SLC25A26: variants seen among roughly 807,000 people sequenced by gnomAD.
SLC25A26 encodes solute carrier family 25 member 26.
In SLC25A26, 36 loss-of-function variants were observed where a neutral mutation model predicts 37.8. The observed-to-expected ratio is 0.95, with a 90% CI of 0.73 to 1.26. The LOEUF is 1.26. Ranked by LOEUF, SLC25A26 falls within the 50% of genes most tolerant of loss-of-function variation. The pLI, the probability that SLC25A26 is intolerant of heterozygous loss-of-function variation, is 0.00. For synonymous variants in SLC25A26, 129 were observed against 122.5 expected, an observed-to-expected ratio of 1.05 and a Z score of -0.35; for missense variants, 390 against 331.1, an observed-to-expected ratio of 1.18 and a Z score of -1.38.
chr3:66,215,206 T>G (rs2071342765), intron 1 of SLC25A26, among the ~76,000 whole-genome samples: 1 of 152,168 alleles, frequency 6.6e-6, no homozygotes, highest in Non-Finnish European at 1.5e-5. Context: ...TTTTAAAATT[T>G]ATTTTTATTT....
At chr3:66,253,577 A>G (rs528767679) in intron 3 of SLC25A26, among the ~76,000 whole-genome samples, 2 of 152,250 alleles carry the variant, frequency 1.3e-5, no homozygotes, top group Admixed American at 1.3e-4. Flanking sequence ...GGGGAGCCCT[A>G]GAAAGCAGGA....
chr3:66,168,160 AAT>A (rs1210912292), intron 1 of SLC25A26, among the ~76,000 whole-genome samples: 21 of 97,390 alleles, frequency 2.2e-4, no homozygotes, highest in East Asian at 1.5e-3. Flanking sequence ...TCTCAAAAAA[AAT>A]ATATATATAT....
intron 1 of SLC25A26, among the ~76,000 whole-genome samples, chr3:66,173,967 C>G (rs921293445): frequency 2.6e-5 from 4 of 151,816 alleles, no homozygotes; most frequent in African/African-American, 9.7e-5. Flanking sequence ...GCAGGAGAAT[C>G]ATTTGAACCC....
intron 1 of SLC25A26, among the ~76,000 whole-genome samples, chr3:66,224,566 T>G (rs947739145): frequency 2.0e-5 from 3 of 152,124 alleles, no homozygotes; most frequent in Admixed American, 6.5e-5. Context: ...AAGATGAGAT[T>G]TGGGTGGGGA....
At chr3:66,250,747 C>A (rs1424651331) in intron 3 of SLC25A26, among the ~76,000 whole-genome samples, 1 of 152,014 alleles carries the variant, frequency 6.6e-6, no homozygotes, top group Non-Finnish European at 1.5e-5. Context: ...TTGGTTTTCT[C>A]CGGACTGGGG....
intron 1 of SLC25A26, among the ~76,000 whole-genome samples, chr3:66,208,289 C>G (rs959377519): frequency 1.7e-4 from 26 of 152,074 alleles, no homozygotes; most frequent in Non-Finnish European, 3.4e-4. Context: ...CAATTTATTG[C>G]CAACTGGATC....
chr3:66,319,481 G>C (rs1162931382), intron 5 of SLC25A26, among the ~76,000 whole-genome samples: 1 of 152,110 alleles, frequency 6.6e-6, no homozygotes, highest in African/African-American at 2.4e-5. Context: ...AACAAAATTA[G>C]ATAATTTACC....
chr3:66,362,772 A>T, intron 6 of SLC25A26, 88 bp from the exon 7 acceptor site: 1 of 785,320 alleles, frequency 1.3e-6, no homozygotes, highest in African/African-American at 1.8e-5. Flanking sequence ...CTTCTCACTT[A>T]AGTTCCCATC....
At chr3:66,231,248 G>A (rs939521605) in intron 1 of SLC25A26, among the ~76,000 whole-genome samples, 8 of 152,274 alleles carry the variant, frequency 5.3e-5, no homozygotes, top group African/African-American at 1.9e-4. Flanking sequence ...AAGGTCTATA[G>A]AGGGTGAAGC....
intron 5 of SLC25A26, among the ~76,000 whole-genome samples, chr3:66,285,919 T>C (rs757718670): frequency 6.6e-6 from 1 of 152,220 alleles, no homozygotes; most frequent in Non-Finnish European, 1.5e-5. Flanking sequence ...CAGGAGTTGA[T>C]GCTGTTTCTC....
intron 5 of SLC25A26, among the ~76,000 whole-genome samples, chr3:66,341,040 C>A (rs11712295): frequency 0.19 from 28,964 of 151,912 alleles, 3,842 homozygotes; most frequent in East Asian, 0.68. Context: ...TCTTTTCAGT[C>A]TTTGCTTTTT....
chr3:66,363,054 G>T, intron 7 of SLC25A26, 125 bp downstream of exon 7: 1 of 405,458 alleles, frequency 2.5e-6, no homozygotes. Flanking sequence ...TCCACTAGTT[G>T]TTTGAGAAAA....
intron 1 of SLC25A26, among the ~76,000 whole-genome samples, chr3:66,187,262 C>T (rs915993245): frequency 2.0e-4 from 30 of 151,872 alleles, no homozygotes; most frequent in African/African-American, 6.5e-4. Context: ...CCTTGACCTT[C>T]ACACACAGCC....
chr3:66,211,515 A>T (rs1489840483), intron 1 of SLC25A26, among the ~76,000 whole-genome samples: 6 of 152,166 alleles, frequency 3.9e-5, no homozygotes, highest in Non-Finnish European at 7.4e-5. Flanking sequence ...TATAGCTTGC[A>T]CTTATTGCTG....
At chr3:66,360,006 C>T (rs1274261072) in intron 6 of SLC25A26, among the ~76,000 whole-genome samples, 14 of 152,146 alleles carry the variant, frequency 9.2e-5, no homozygotes, top group Non-Finnish European at 2.1e-4. Flanking sequence ...GTCCTCAAAC[C>T]ACACGCTGTC....
chr3:66,331,363 GA>G (rs1178271731), intron 5 of SLC25A26, among the ~76,000 whole-genome samples: 1 of 152,080 alleles, frequency 6.6e-6, no homozygotes, highest in Non-Finnish European at 1.5e-5. Context: ...ATTGGTTTGT[GA>G]TATACTGTTT....
intron 3 of SLC25A26, among the ~76,000 whole-genome samples, chr3:66,245,064 T>G (rs1330322820): frequency 6.6e-6 from 1 of 152,136 alleles, no homozygotes; most frequent in African/African-American, 2.4e-5. Flanking sequence ...GTGTAAGTGA[T>G]ATTTATTTTT....
chr3:66,375,199 G>GA (rs1700576250), intron 9 of SLC25A26, among the ~76,000 whole-genome samples: 1 of 152,196 alleles, frequency 6.6e-6, no homozygotes, highest in South Asian at 2.1e-4. Flanking sequence ...GAGAGGTGAG[G>GA]AAGCTGCAGG....
At chr3:66,202,496 A>G (rs1049012590) in intron 1 of SLC25A26, among the ~76,000 whole-genome samples, 4 of 148,172 alleles carry the variant, frequency 2.7e-5, no homozygotes, top group Non-Finnish European at 5.9e-5. Flanking sequence ...AAACCTGCAT[A>G]TTCTACACAT....
Sources: allele counts gnomAD v4.1 joint callset (sites outside exome capture counted in the v4.1 genomes callset), GRCh38; gene constraint gnomAD v4.1.1; transcripts MANE v1.5; gene names NCBI Gene and HGNC (gene_info 2026-07-23, HGNC 2026-07-21).